DACH1: variants seen among roughly 807,000 people sequenced by gnomAD.
The protein encoded by DACH1 is dachshund family transcription factor 1, also known as dachshund homolog 1.
Under a neutral mutation model 54.2 loss-of-function variants are expected in DACH1, and 12 were observed. That is an observed-to-expected ratio of 0.22 (90% CI 0.14 to 0.36). DACH1 has a LOEUF of 0.36. DACH1 is among the 10% of genes least tolerant of loss of function. The probability of loss-of-function intolerance (pLI) is 1.00; values close to 1 mark genes in which losing one functional copy is unlikely to be tolerated. For synonymous variants in DACH1, 386 were observed against 366.2 expected (o/e 1.05, Z -0.62); for missense variants, 805 against 929.8 (o/e 0.87, Z 1.75).
intron 1 of DACH1, among the ~76,000 whole-genome samples, chr13:71,749,983 AC>A (rs747317989): frequency 6.6e-6 from 1 of 152,170 alleles, no homozygotes; most frequent in Admixed American, 6.5e-5. Flanking sequence ...TTTATCTCAA[AC>A]TTTTATGCTT....
chr13:71,618,408 A>G (rs1299090460), intron 3 of DACH1, among the ~76,000 whole-genome samples: 2 of 152,056 alleles, frequency 1.3e-5, no homozygotes, highest in East Asian at 3.9e-4. Context: ...AACATTTCTG[A>G]GCTCACTTTT....
At chr13:71,820,587 G>T (rs555339527) in intron 1 of DACH1, among the ~76,000 whole-genome samples, 7 of 151,804 alleles carry the variant, frequency 4.6e-5, no homozygotes, top group Non-Finnish European at 7.4e-5. Context: ...TAAATCATGA[G>T]TTAAAAAAAC....
At chr13:71,739,023 C>T (rs532625588) in intron 1 of DACH1, among the ~76,000 whole-genome samples, 4 of 151,898 alleles carry the variant, frequency 2.6e-5, no homozygotes, top group East Asian at 2.0e-4. Context: ...AAGGCCGAGG[C>T]GGGCGGATCA....
At chr13:71,502,917 T>C (rs188431029) in intron 6 of DACH1, among the ~76,000 whole-genome samples, 3 of 152,338 alleles carry the variant, frequency 2.0e-5, no homozygotes, top group Non-Finnish European at 1.5e-5. Context: ...GCTGTTGGAA[T>C]GCTACCCTAA....
chr13:71,553,602 A>AGG (rs1884042053), intron 6 of DACH1, among the ~76,000 whole-genome samples: 1 of 141,790 alleles, frequency 7.1e-6, no homozygotes, highest in African/African-American at 2.5e-5. Context: ...ATATTTTTGT[A>AGG]TTTTATATTG....
chr13:71,722,056 T>C (rs1173343112), intron 1 of DACH1, among the ~76,000 whole-genome samples: 3 of 152,152 alleles, frequency 2.0e-5, no homozygotes, highest in Admixed American at 6.6e-5. Context: ...GAATAATTTA[T>C]ATATTAGAAA....
chr13:71,607,261 G>A (rs1483702940), intron 3 of DACH1, among the ~76,000 whole-genome samples: 10 of 151,766 alleles, frequency 6.6e-5, no homozygotes, highest in East Asian at 3.9e-4. Context: ...TAATCCTTAC[G>A]TTGCATTTCT....
At chr13:71,637,611 C>A (rs959936775) in intron 2 of DACH1, among the ~76,000 whole-genome samples, 1 of 152,106 alleles carries the variant, frequency 6.6e-6, no homozygotes, top group Non-Finnish European at 1.5e-5. Context: ...TAAAACCAAT[C>A]CATGGATATA....
At chr13:71,497,294 C>T (rs779471336) in intron 6 of DACH1, among the ~76,000 whole-genome samples, 1 of 151,548 alleles carries the variant, frequency 6.6e-6, no homozygotes, top group Non-Finnish European at 1.5e-5. Context: ...CAATGTGCCA[C>T]GGAGGAAATT....
chr13:71,761,072 C>T (rs1402597904), intron 1 of DACH1, among the ~76,000 whole-genome samples: 1 of 151,490 alleles, frequency 6.6e-6, no homozygotes, highest in Non-Finnish European at 1.5e-5. Flanking sequence ...AAATAACTCT[C>T]ATTTCACCAA....
chr13:71,701,995 T>A (rs1432911947), intron 1 of DACH1, among the ~76,000 whole-genome samples: 1 of 152,164 alleles, frequency 6.6e-6, no homozygotes, highest in Non-Finnish European at 1.5e-5. Context: ...CAGTTTCTGT[T>A]ATCTGTCTTC....
At chr13:71,801,075 G>A (rs1290755211) in intron 1 of DACH1, among the ~76,000 whole-genome samples, 1 of 104,168 alleles carries the variant, frequency 9.6e-6, no homozygotes, top group Non-Finnish European at 1.8e-5. Context: ...CAAGCACACA[G>A]CAGTGTTTCT....
At chr13:71,630,740 G>A (rs772913303) in intron 2 of DACH1, 23 bp from the exon 3 acceptor site, 7 of 1,535,152 alleles carry the variant, frequency 4.6e-6, no homozygotes, top group Non-Finnish European at 6.1e-6. Context: ...AATTAAAAAT[G>A]AGGTAATTCA....
intron 6 of DACH1, among the ~76,000 whole-genome samples, chr13:71,528,613 G>C (rs967466507): frequency 6.6e-6 from 1 of 151,676 alleles, no homozygotes; most frequent in African/African-American, 2.4e-5. Context: ...TCTATTTTTA[G>C]TAGAGACGGC....
chr13:71,552,818 TATATATATATATATATATATATATAGAG>T (rs1240689410), intron 6 of DACH1, among the ~76,000 whole-genome samples: 67 of 58,064 alleles, frequency 1.2e-3, no homozygotes, highest in Middle Eastern at 9.1e-3. Flanking sequence ...TATATATATA[TATATATATATATATATATATATATAGAG>T]AGAGAGAGAG....
intron 1 of DACH1, among the ~76,000 whole-genome samples, chr13:71,776,347 G>A (rs1343891517): frequency 6.6e-6 from 1 of 152,072 alleles, no homozygotes; most frequent in Non-Finnish European, 1.5e-5. Context: ...TCAGATTATA[G>A]AAGTGAGAGT....
chr13:71,636,549 A>AAATAAT (rs368128838), intron 2 of DACH1, among the ~76,000 whole-genome samples: 440 of 146,906 alleles, frequency 3.0e-3, no homozygotes, highest in Middle Eastern at 7.2e-3. Context: ...CACAAAGTAA[A>AAATAAT]AATAATAATA....
chr13:71,571,196 T>C (rs993727974), intron 4 of DACH1, among the ~76,000 whole-genome samples: 1 of 152,214 alleles, frequency 6.6e-6, no homozygotes, highest in Non-Finnish European at 1.5e-5. Flanking sequence ...TGATTCTTTA[T>C]AGTAATCACG....
chr13:71,722,038 A>G (rs1271924821), intron 1 of DACH1, among the ~76,000 whole-genome samples: 2 of 152,182 alleles, frequency 1.3e-5, no homozygotes, highest in Non-Finnish European at 1.5e-5. Flanking sequence ...TATATGAATC[A>G]TCACTTTGAA....
Sources: allele counts gnomAD v4.1 joint callset (sites outside exome capture counted in the v4.1 genomes callset), GRCh38; gene constraint gnomAD v4.1.1; transcripts MANE v1.5; gene names NCBI Gene and HGNC (gene_info 2026-07-23, HGNC 2026-07-21).